Variants in DMC1 observed in about 807,000 individuals in gnomAD.
The protein encoded by DMC1 is DNA meiotic recombinase 1.
Under a neutral mutation model 50.1 loss-of-function variants are expected in DMC1, and 27 were observed. The ratio of observed to expected loss-of-function variants is 0.54; its 90% CI spans 0.40 to 0.74. The LOEUF (loss-of-function observed/expected upper bound fraction) is 0.74. Among genes scored for constraint, DMC1 ranks in the 30% least tolerant of loss-of-function variants. DMC1 has a pLI of 0.00. For missense variants in DMC1, 295 were observed against 420.2 expected, an observed-to-expected ratio of 0.70 and a Z score of 2.60; for synonymous variants, 148 against 136.1, an observed-to-expected ratio of 1.09 and a Z score of -0.61.
At position 38,530,514 on chromosome 22, in the gene DMC1, T is replaced by C. The variant is rs79545434; in HGVS notation, c.836+7078A>G. Among the ~76,000 whole-genome samples, 866 of 152,164 alleles carry C rather than the reference T, an allele frequency of 5.7e-3. 8 individuals carry two copies. Among genetic ancestry groups the C allele is most frequent in the African/African-American group, 0.02 (835 of 41,518 alleles). On this transcript the variant is annotated intron_variant, in intron 12 of 13. Coordinates refer to ENST00000216024, the MANE Select transcript of DMC1 (RefSeq NM_007068.4). ...GGAGGGATTCAACAACTTACTGAGA[T>C]TGGCTTCACAAAAGCAACAGGGAGG...
chr22:38,521,593 T>TA lies in DMC1; in HGVS notation c.953+14dup, dbSNP rs748739482. 36 of 1,199,656 alleles carry TA rather than the reference T, an allele frequency of 3.0e-5. No homozygotes were observed. Among genetic ancestry groups the TA allele is most frequent in the East Asian group, 2.1e-4 (8 of 37,352 alleles). The allele number at this position is 1,199,656 out of a possible 1,614,324, so 74.3% of individuals were successfully genotyped here. ...CACACACACACACACACACACAAAA[T>TA]AAAAAAAAATTTACCTGTCATAAAT... On this transcript the variant is annotated intron_variant, in intron 13 of 13. Coordinates refer to ENST00000216024, the MANE Select transcript of DMC1 (RefSeq NM_007068.4).
At chr22:38,535,320 AAAAC>A (rs1040370454) in intron 12 of DMC1, among the ~76,000 whole-genome samples, 3 of 151,932 alleles carry the variant, frequency 2.0e-5, no homozygotes, top group Non-Finnish European at 2.9e-5. Flanking sequence ...AAGAAAAAGA[AAAAC>A]AAACAAAAAA....
At position 38,567,632 on chromosome 22, in the gene DMC1, A is replaced by C; in HGVS notation, c.52-5T>G. The C allele has an allele frequency of 1.2e-6, 2 of 1,603,806 alleles. No individual in the cohort carries two copies. The highest frequency in any genetic ancestry group is 1.1e-5 in the South Asian group (1 of 90,844). On this transcript the variant is annotated splice_region_variant and splice_polypyrimidine_tract_variant and intron_variant, in intron 2 of 13. Coordinates refer to ENST00000216024, the MANE Select transcript of DMC1 (RefSeq NM_007068.4). The stretch of plus-strand genomic sequence containing the variant: ...AATATCTTGAAACAAAGATTCCTAA[A>C]GGAGATGAAACAGAAAAAATGAAGT...
At chr22:38,542,609 T>C (rs758129905) in intron 8 of DMC1, among the ~76,000 whole-genome samples, 1 of 152,186 alleles carries the variant, frequency 6.6e-6, no homozygotes, top group South Asian at 2.1e-4. Flanking sequence ...GAATCAGTAC[T>C]GTTAAAATGT....
rs1425932891 is a variant in DMC1, at chr22:38,538,363, C to A, written c.707G>T (p.Arg236Leu). 6.8e-6 allele frequency: 11 copies of A among 1,613,922 alleles called. No individual in the cohort carries two copies. The Admixed American group carries it at 1.0e-4, about 15-fold the overall frequency. The part of the protein sequence containing the change: ...MALFRVDFSG[R>L]GELAERQQKL... Reference sequence around the variant, plus strand: ...TTGCTGCCGTTCGGCCAACTCCCCACGGCCACTGAAATCCACTCGAAAAAG... The same window carrying A: ...TTGCTGCCGTTCGGCCAACTCCCCAAGGCCACTGAAATCCACTCGAAAAAG... The change falls in exon 11 of 14, where the codon CGT becomes CTT. Residue 236 changes from arginine to leucine, a missense_variant. Arg to Leu is a moderately radical substitution (Grantham distance 102). Transcript: ENST00000216024.
the DMC1 span, among the ~76,000 whole-genome samples, chr22:38,512,186 G>A: frequency 6.6e-6 from 1 of 152,038 alleles, no homozygotes; most frequent in Non-Finnish European, 1.5e-5. Context: ...GGTTGGCCAG[G>A]CTGGTCTCGA....
At chr22:38,566,388 C>T (rs2146032329) in intron 4 of DMC1, among the ~76,000 whole-genome samples, 1 of 152,148 alleles carries the variant, frequency 6.6e-6, no homozygotes. Flanking sequence ...TGTTCCAGGT[C>T]TCTTAATCCC....
At chr22:38,528,131 G>A (rs1207208279) in intron 12 of DMC1, among the ~76,000 whole-genome samples, 1 of 147,938 alleles carries the variant, frequency 6.8e-6, no homozygotes, top group Non-Finnish European at 1.5e-5. Flanking sequence ...GCATGATCTC[G>A]GCTCATTGCA....
At chr22:38,529,200 G>A (rs368837540) in intron 12 of DMC1, among the ~76,000 whole-genome samples, 4 of 149,114 alleles carry the variant, frequency 2.7e-5, no homozygotes, top group Non-Finnish European at 4.4e-5. Context: ...TAGTAGAGAC[G>A]GGGTTTCACC....
Position 38,537,661 on chromosome 22 carries a change from A to C in DMC1, c.776-9T>G. ...AACAGCCACGTTATATTCTGCATCA[A>C]GAGATAAAATTTTAAAACTATGAGA... is the stretch of plus-strand genomic sequence containing the variant. On this transcript the variant is annotated splice_polypyrimidine_tract_variant and intron_variant, in intron 11 of 13. Transcript: ENST00000216024. 6.2e-7 allele frequency: 1 copy of C among 1,612,694 alleles called. No homozygotes were observed. The highest frequency in any genetic ancestry group is 8.5e-7 in the Non-Finnish European group (1 of 1,178,734).
rs896227264 is a variant in DMC1, at chr22:38,557,657, C to T, written c.327-2248G>A. Reference sequence around the variant, plus strand: ...TTTAGCCTGGGTGACAGAGTGAGACCGTGTCTCAAAAAATAAAATAGAATA... The same window carrying T: ...TTTAGCCTGGGTGACAGAGTGAGACTGTGTCTCAAAAAATAAAATAGAATA... On this transcript the variant is annotated intron_variant, in intron 5 of 13. Coordinates refer to ENST00000216024, the MANE Select transcript of DMC1 (RefSeq NM_007068.4). Among the ~76,000 whole-genome samples, 5 of 151,990 alleles carry T rather than the reference C, an allele frequency of 3.3e-5. No individual in the cohort carries two copies. The South Asian group carries it at 6.2e-4, about 19-fold the overall frequency.
At position 38,547,692 on chromosome 22, in the gene DMC1, G is replaced by A. The variant is rs567483449; in HGVS notation, c.494+2233C>T. 2.0e-5 allele frequency among the ~76,000 whole-genome samples: 3 copies of A among 152,096 alleles called. No homozygotes were observed. The East Asian group carries it at 5.8e-4, about 30-fold the overall frequency. Reference sequence around the variant, plus strand: ...GTAGCTGGAAATACAGGCATGTGCCGCCACGCCCGGCTAATTTTGTATTTT... The same window carrying A: ...GTAGCTGGAAATACAGGCATGTGCCACCACGCCCGGCTAATTTTGTATTTT... On this transcript the variant is annotated intron_variant, in intron 8 of 13. Coordinates refer to ENST00000216024, the MANE Select transcript of DMC1 (RefSeq NM_007068.4).
At chr22:38,533,395 C>CAAAA (rs1296043692) in intron 12 of DMC1, among the ~76,000 whole-genome samples, 39 of 38,326 alleles carry the variant, frequency 1.0e-3, no homozygotes, top group Non-Finnish European at 1.4e-3. Context: ...GACTCCATCA[C>CAAAA]AAAAAAAAAA....
chr22:38,550,564 G>C (rs1474832374), intron 7 of DMC1, among the ~76,000 whole-genome samples: 2 of 150,204 alleles, frequency 1.3e-5, no homozygotes, highest in Non-Finnish European at 3.0e-5. Flanking sequence ...TGCCCACCTC[G>C]GCCTCCCAAA....
rs375080818 is a variant in DMC1, at chr22:38,519,789, A to AAC, written c.*229_*230dup. 48 of 475,364 alleles carry AAC rather than the reference A, an allele frequency of 1.0e-4. No homozygotes were observed. The highest frequency in any genetic ancestry group is 6.9e-4 in the East Asian group (17 of 24,496). 29.4% of individuals were successfully genotyped at this position (475,364 alleles called of 1,614,324 possible). On this transcript the variant is annotated 3_prime_UTR_variant, in exon 14 of 14. Transcript: ENST00000216024. ...TATATATGTCAGGTATACACACACA[A>AAC]ACACACACACACACAAACATACATA... is the stretch of plus-strand genomic sequence containing the variant.
At chr22:38,532,306 TTTA>T (rs1356906216) in intron 12 of DMC1, among the ~76,000 whole-genome samples, 11 of 151,778 alleles carry the variant, frequency 7.2e-5, no homozygotes, top group Admixed American at 5.3e-4. Flanking sequence ...ATGGACATCA[TTTA>T]TTGTCTTTCT....
chr22:38,564,590 C>A (rs947787984), intron 4 of DMC1, among the ~76,000 whole-genome samples: 1 of 152,116 alleles, frequency 6.6e-6, no homozygotes, highest in Non-Finnish European at 1.5e-5. Context: ...GGATTACAGG[C>A]GTAAGCCACT....
intron 1 of DMC1, 132 bp from the exon 2 acceptor site, chr22:38,568,421 T>C (rs2090603366): frequency 1.5e-6 from 1 of 686,550 alleles, no homozygotes; most frequent in African/African-American, 1.8e-5. Flanking sequence ...CCAGCCTATC[T>C]TCTTTCTGCG....
At chr22:38,550,403 TC>T (rs1391753308) in intron 7 of DMC1, among the ~76,000 whole-genome samples, 3 of 148,226 alleles carry the variant, frequency 2.0e-5, no homozygotes, top group Non-Finnish European at 4.5e-5. Context: ...AATCTCCGCC[TC>T]CCGGGTTCAA....
Sources: gnomAD v4.1 joint callset for allele counts (sites outside exome capture counted in the v4.1 genomes callset) on GRCh38, gnomAD v4.1.1 for gene constraint, MANE v1.5 for transcripts, NCBI Gene and HGNC (gene_info 2026-07-23, HGNC 2026-07-21) for gene names.